Variants in ARHGAP1 observed in about 807,000 individuals in gnomAD.
ARHGAP1 encodes rho GTPase-activating protein 1.
ARHGAP1 carries 23 observed loss-of-function variants against 52.2 expected under a neutral mutation model. That is an observed-to-expected ratio of 0.44 (90% confidence interval 0.32 to 0.62). The LOEUF (loss-of-function observed/expected upper bound fraction) is 0.62, where lower values mean the gene tolerates loss of function less well. Ranked by LOEUF, ARHGAP1 falls within the 20% of genes least tolerant of loss-of-function variation. The probability of loss-of-function intolerance (pLI) is 0.05; values close to 1 mark genes in which losing one functional copy is unlikely to be tolerated. For synonymous variants in ARHGAP1, 210 were observed against 228.4 expected (o/e 0.92, Z 0.73); for missense variants, 480 against 560.9 (o/e 0.86, Z 1.46).
intron 1 of ARHGAP1, among the ~76,000 whole-genome samples, chr11:46,699,735 A>G (rs898106485): frequency 6.6e-6 from 1 of 152,042 alleles, no homozygotes; most frequent in Non-Finnish European, 1.5e-5. Flanking sequence ...CATATTCTCA[A>G]CGTTGGAATC....
At position 46,680,931 on chromosome 11, in the gene ARHGAP1, G is replaced by T; in HGVS notation, c.635+80C>A. On this transcript the variant is annotated intron_variant, in intron 7 of 12. Coordinates refer to ENST00000311956, the MANE Select transcript of ARHGAP1 (RefSeq NM_004308.5). The surrounding 1 kb of genome is among the most constrained non-coding windows in gnomAD (Gnocchi z 5.9). ...CGGGACACGGGCTTGCTCTGCCTAA[G>T]CCCCACGCGGTCTCTGAATCAGGAC... 2 of 1,348,508 alleles carry T rather than the reference G, an allele frequency of 1.5e-6. No homozygotes were observed. Among genetic ancestry groups the T allele is most frequent in the Non-Finnish European group, 1.1e-6 (1 of 951,396 alleles). The allele number at this position is 1,348,508 out of a possible 1,614,324, so 83.5% of individuals were successfully genotyped here.
chr11:46,688,608 A>G (rs1296777719), intron 3 of ARHGAP1, among the ~76,000 whole-genome samples: 1 of 152,000 alleles, frequency 6.6e-6, no homozygotes, highest in Non-Finnish European at 1.5e-5. Flanking sequence ...CAGCCTCCCA[A>G]GTAGCCAGGA....
chr11:46,681,280 C>T lies in ARHGAP1; in HGVS notation c.536+13G>A, dbSNP rs765134069. 24 of 1,606,676 alleles carry T rather than the reference C, an allele frequency of 1.5e-5. No homozygotes were observed. Among genetic ancestry groups the T allele is most frequent in the East Asian group, 8.9e-5 (4 of 44,856 alleles). ...GCAAGCCGGGACCACCAGCCCTGCC[C>T]GTGGCCACTCACCTGATGAGGGGCT... On this transcript the variant is annotated intron_variant, in intron 6 of 12. Transcript: ENST00000311956. The surrounding 1 kb of genome is among the most constrained non-coding windows in gnomAD (Gnocchi z 5.7).
chr11:46,679,780 G>T lies in ARHGAP1; in HGVS notation c.899-4C>A, dbSNP rs370055564. 3.1e-6 allele frequency: 5 copies of T among 1,613,064 alleles called. No individual in the cohort carries two copies. The African/African-American group carries it at 5.3e-5, about 17-fold the overall frequency. ...TGGTCGAAATCCACAGGCAGCCCTGGGGTGGGGGCAGCGTGAGAGAAGCTC... is the reference window on the plus strand; with the variant it reads ...TGGTCGAAATCCACAGGCAGCCCTGTGGTGGGGGCAGCGTGAGAGAAGCTC... On this transcript the variant is annotated splice_region_variant and splice_polypyrimidine_tract_variant and intron_variant, in intron 10 of 12. Transcript: ENST00000311956. The surrounding 1 kb of genome is among the most constrained non-coding windows in gnomAD (Gnocchi z 4.4).
At chr11:46,697,878 C>A (rs2064668618) in intron 1 of ARHGAP1, among the ~76,000 whole-genome samples, 1 of 152,184 alleles carries the variant, frequency 6.6e-6, no homozygotes, top group South Asian at 2.1e-4. Flanking sequence ...ACCCTTCAAC[C>A]CTTCAATATC....
intron 1 of ARHGAP1, among the ~76,000 whole-genome samples, chr11:46,700,234 C>T (rs1456315360): frequency 6.6e-6 from 1 of 152,224 alleles, no homozygotes; most frequent in East Asian, 1.9e-4. Flanking sequence ...ATTTCTTCTT[C>T]TTAGTGCTTT....
intron 2 of ARHGAP1, 35 bp from the exon 3 acceptor site, chr11:46,695,790 G>A: frequency 1.3e-6 from 2 of 1,554,082 alleles, no homozygotes; most frequent in Non-Finnish European, 1.7e-6. Flanking sequence ...GACAAGCCAG[G>A]GGGCTGGCAC....
Position 46,677,637 on chromosome 11 carries a change from T to A in ARHGAP1, c.*1400A>T, listed in dbSNP as rs762922329. The A allele has an allele frequency of 4.4e-6, 1 of 228,016 alleles. No individual in the cohort carries two copies. The highest frequency in any genetic ancestry group is 2.4e-5 in the African/African-American group (1 of 41,970). 14.1% of individuals were successfully genotyped at this position (228,016 alleles called of 1,614,324 possible). ...CAGTGGGAGTGAGATCAGCCATCAC[T>A]GGGGCCGAGGTTCTTTGAAAGACAA... On this transcript the variant is annotated 3_prime_UTR_variant, in exon 13 of 13. Transcript: ENST00000311956.
In ARHGAP1 at chr11:46,699,041, G is replaced by T. The variant is rs1198986606; in HGVS notation, c.-50+1510C>A. The stretch of plus-strand genomic sequence containing the variant: ...GAGATTAATTTTTCCATTCTCAGCA[G>T]GTAAACCTTTACAAAAATCTTAAGG... On this transcript the variant is annotated intron_variant, in intron 1 of 12. Transcript: ENST00000311956. Among the ~76,000 whole-genome samples the T allele has an allele frequency of 2.0e-5, 3 of 152,270 alleles. No homozygotes were observed. The East Asian group carries it at 5.8e-4, about 29-fold the overall frequency.
chr11:46,693,676 C>T (rs1186799815), intron 3 of ARHGAP1, among the ~76,000 whole-genome samples: 1 of 152,158 alleles, frequency 6.6e-6, no homozygotes, highest in African/African-American at 2.4e-5. Flanking sequence ...TCTCCCCAGG[C>T]ATTCTGGGCC....
chr11:46,691,889 C>T (rs1411969009), intron 3 of ARHGAP1, among the ~76,000 whole-genome samples: 2 of 152,308 alleles, frequency 1.3e-5, no homozygotes, highest in African/African-American at 4.8e-5. Flanking sequence ...CACCTGGCCT[C>T]TGTGTTTGTT....
chr11:46,695,888 C>T (rs890859167), intron 2 of ARHGAP1, 87 bp downstream of exon 2: 3 of 1,607,030 alleles, frequency 1.9e-6, no homozygotes, highest in African/African-American at 2.7e-5. Context: ...TCTGCCCCAT[C>T]CTGCCCTCCT....
At chr11:46,699,990 T>A (rs974171834) in intron 1 of ARHGAP1, among the ~76,000 whole-genome samples, 3 of 151,732 alleles carry the variant, frequency 2.0e-5, no homozygotes, top group Non-Finnish European at 4.4e-5. Flanking sequence ...GCCAACATGG[T>A]GAAACCCTGT....
At position 46,678,197 on chromosome 11, in the gene ARHGAP1, G is replaced by A. The variant is rs1291264131; in HGVS notation, c.*840C>T. The stretch of plus-strand genomic sequence containing the variant: ...ACAGGTCCACAAGAACATGAAGGCT[G>A]ATGATCTGCCCGTGTGGGAAAGGAG... On this transcript the variant is annotated 3_prime_UTR_variant, in exon 13 of 13. Coordinates refer to ENST00000311956, the MANE Select transcript of ARHGAP1 (RefSeq NM_004308.5). The A allele has an allele frequency of 2.1e-5, 4 of 194,312 alleles. No homozygotes were observed. The highest frequency in any genetic ancestry group is 4.4e-5 in the Non-Finnish European group (4 of 91,530). The allele number at this position is 194,312 out of a possible 1,614,324, so 12.0% of individuals were successfully genotyped here. A position where few individuals can be genotyped will look rare whatever the true frequency, so the allele number is the denominator to read the frequency against.
intron 3 of ARHGAP1, among the ~76,000 whole-genome samples, chr11:46,694,575 G>A (rs2064638657): frequency 6.6e-6 from 1 of 152,168 alleles, no homozygotes; most frequent in Non-Finnish European, 1.5e-5. Context: ...GACCAAACAG[G>A]CCAGGATGAT....
At chr11:46,683,201 GCT>G (rs2064541894) in intron 4 of ARHGAP1, among the ~76,000 whole-genome samples, 1 of 151,944 alleles carries the variant, frequency 6.6e-6, no homozygotes, top group Non-Finnish European at 1.5e-5. Context: ...ACCACACCCG[GCT>G]CTTTTTTCTA....
chr11:46,679,199 C>T lies in ARHGAP1; in HGVS notation c.1158G>A (p.Lys386=). 6.2e-7 allele frequency: 1 copy of T among 1,609,188 alleles called. No homozygotes were observed. Residue 386 remains lysine (K), a synonymous_variant, in exon 13 of 13, where the codon AAG becomes AAA. Coordinates refer to ENST00000311956, the MANE Select transcript of ARHGAP1 (RefSeq NM_004308.5). The surrounding 1 kb of genome is among the most constrained non-coding windows in gnomAD (Gnocchi z 4.4). ...VQISAHSDQN[K]MTNTNLAVVF... ...CAACAGCCAGGTTAGTGTTGGTCAT[C>T]TTGTTCTGGTCACTGTGTGCAGAAA... is the stretch of plus-strand genomic sequence containing the variant.
At position 46,680,183 on chromosome 11, in the gene ARHGAP1, G is replaced by T. The variant is rs1292385144; in HGVS notation, c.898+22C>A. ...CTACCAGTAACACACATATGGCCCT[G>T]CAACAGCCCAGGGCTGCTCACCCAT... is the stretch of plus-strand genomic sequence containing the variant. On this transcript the variant is annotated intron_variant, in intron 10 of 12. Transcript: ENST00000311956. The surrounding 1 kb of genome is among the most constrained non-coding windows in gnomAD (Gnocchi z 5.9). The T allele has an allele frequency of 3.1e-6, 5 of 1,613,008 alleles. No individual in the cohort carries two copies. Among genetic ancestry groups the T allele is most frequent in the Admixed American group, 1.7e-5 (1 of 60,018 alleles).
At chr11:46,691,742 A>G (rs1422403573) in intron 3 of ARHGAP1, among the ~76,000 whole-genome samples, 4 of 151,470 alleles carry the variant, frequency 2.6e-5, no homozygotes, top group Non-Finnish European at 5.9e-5. Flanking sequence ...GTGAGCCACC[A>G]TGCCCAGCCT....
Sources: allele counts gnomAD v4.1 joint callset (sites outside exome capture counted in the v4.1 genomes callset), GRCh38; gene constraint gnomAD v4.1.1; non-coding constraint Gnocchi (gnomAD v3.1); transcripts MANE v1.5; gene names NCBI Gene and HGNC (gene_info 2026-07-23, HGNC 2026-07-21).